IFI27L1: variants seen among roughly 807,000 people sequenced by gnomAD.
IFI27L1 encodes the protein interferon alpha inducible protein 27 like 1.
Under a neutral mutation model 9.2 loss-of-function variants are expected in IFI27L1, and 3 were observed. That is an observed-to-expected ratio of 0.32 (90% confidence interval 0.15 to 0.84). IFI27L1 has a LOEUF of 0.84. Ranked by LOEUF, IFI27L1 falls within the 40% of genes least tolerant of loss-of-function variation. IFI27L1 has a pLI of 0.56. For synonymous variants in IFI27L1, 53 were observed against 50.0 expected (o/e 1.06, Z -0.26); for missense variants, 133 against 134.2 (o/e 0.99, Z 0.05).
At chr14:94,101,699 T>G in intron 3 of IFI27L1, 115 bp from the exon 4 acceptor site, 1 of 1,057,136 alleles carries the variant, frequency 9.5e-7, no homozygotes, top group South Asian at 1.5e-5. Flanking sequence ...CCATCCCTGC[T>G]CAGTCTTTCC....
chr14:94,089,383 C>T (rs1886393038), intron 1 of IFI27L1: 1 of 152,114 alleles, frequency 6.6e-6, no homozygotes, highest in Admixed American at 6.5e-5. Context: ...CCTTTCAGAC[C>T]ATATAGGGTA....
intron 1 of IFI27L1, among the ~76,000 whole-genome samples, chr14:94,086,180 T>A (rs907358732): frequency 6.6e-6 from 1 of 152,158 alleles, no homozygotes; most frequent in Non-Finnish European, 1.5e-5. Flanking sequence ...TAAAAGTGTG[T>A]GGCGCCTCCC....
chr14:94,088,450 C>T (rs2141447674), intron 1 of IFI27L1: 1 of 663,108 alleles, frequency 1.5e-6, no homozygotes. Context: ...GGGGTTGGGG[C>T]ATTCCTGGAA....
intron 1 of IFI27L1, among the ~76,000 whole-genome samples, chr14:94,091,359 A>C: frequency 6.6e-6 from 1 of 152,260 alleles, no homozygotes; most frequent in East Asian, 1.9e-4. Context: ...TTAGTAGCAT[A>C]CACTAAGTCA....
chr14:94,083,687 G>A (rs1886185472), intron 1 of IFI27L1, among the ~76,000 whole-genome samples: 1 of 152,222 alleles, frequency 6.6e-6, no homozygotes, highest in Admixed American at 6.5e-5. Context: ...GCTAGAGTAA[G>A]GGTACGTGAG....
intron 4 of IFI27L1, 133 bp downstream of exon 4, chr14:94,102,108 C>CACCTCCAACCAGAAGAGGGGA: frequency 1.1e-6 from 1 of 942,710 alleles, no homozygotes; most frequent in Non-Finnish European, 1.6e-6. Context: ...GTCACTGTCC[C>CACCTCCAACCAGAAGAGGGGA]CTCTTCTGGT....
rs117094493 is a variant in IFI27L1, at chr14:94,101,878, C to T, written c.126C>T (p.Ala42=). ...SAMGFTSVGI[A]ASSIAAKMMS... is the part of the protein sequence containing the mutation. ...TGGGCTTCACCTCAGTAGGAATCGCCGCATCCTCCATAGCAGCCAAGATGA... is the reference window on the plus strand; with the variant it reads ...TGGGCTTCACCTCAGTAGGAATCGCTGCATCCTCCATAGCAGCCAAGATGA... The change falls in exon 4 of 5, where the codon GCC becomes GCT. Residue 42 remains alanine (A), a synonymous_variant. Transcript: ENST00000555523. 3.4e-3 allele frequency: 5,439 copies of T among 1,614,236 alleles called. 145 individuals carry two copies. In the South Asian group the frequency reaches 0.048, roughly 14 times the overall value.
chr14:94,088,033 C>T (rs1886341245), intron 1 of IFI27L1, among the ~76,000 whole-genome samples: 1 of 152,172 alleles, frequency 6.6e-6, no homozygotes, highest in Non-Finnish European at 1.5e-5. Flanking sequence ...AGGATGTAGT[C>T]ACTCAGCTCT....
chr14:94,090,683 C>G (rs897268706), intron 1 of IFI27L1, among the ~76,000 whole-genome samples: 15 of 152,120 alleles, frequency 9.9e-5, no homozygotes, highest in Admixed American at 8.5e-4. Context: ...AGGCAAGATA[C>G]GAGGCTAGTT....
At chr14:94,090,219 C>T (rs1400536881) in intron 1 of IFI27L1, among the ~76,000 whole-genome samples, 1 of 152,164 alleles carries the variant, frequency 6.6e-6, no homozygotes, top group Non-Finnish European at 1.5e-5. Context: ...TTCTGAGCTG[C>T]AGCCAGAGAT....
chr14:94,084,135 A>C (rs1371081984), intron 1 of IFI27L1, among the ~76,000 whole-genome samples: 1 of 152,204 alleles, frequency 6.6e-6, no homozygotes, highest in African/African-American at 2.4e-5. Flanking sequence ...TCAAAGATGA[A>C]AAAACAGATG....
intron 1 of IFI27L1, among the ~76,000 whole-genome samples, chr14:94,090,531 C>G (rs936929338): frequency 6.6e-6 from 1 of 152,146 alleles, no homozygotes; most frequent in African/African-American, 2.4e-5. Context: ...ATTTTTAAAG[C>G]TGAGGCCAGC....
chr14:94,088,692 G>A (rs533594087), intron 1 of IFI27L1, among the ~76,000 whole-genome samples: 1 of 152,214 alleles, frequency 6.6e-6, no homozygotes, highest in East Asian at 1.9e-4. Flanking sequence ...CTGACTAATA[G>A]ATGCATGTGA....
At chr14:94,087,673 G>T (rs955801964) in intron 1 of IFI27L1, among the ~76,000 whole-genome samples, 1 of 151,776 alleles carries the variant, frequency 6.6e-6, no homozygotes, top group Non-Finnish European at 1.5e-5. Context: ...TGATCTGCCC[G>T]CCTCGGCCTC....
intron 1 of IFI27L1, among the ~76,000 whole-genome samples, chr14:94,086,234 C>A (rs1886275548): frequency 6.6e-6 from 1 of 152,148 alleles, no homozygotes; most frequent in African/African-American, 2.4e-5. Context: ...CATGTGCCTG[C>A]CCCCCTTCCA....
At chr14:94,092,186 T>G (rs1315484854) in intron 1 of IFI27L1, among the ~76,000 whole-genome samples, 1 of 151,384 alleles carries the variant, frequency 6.6e-6, no homozygotes, top group East Asian at 1.9e-4. Context: ...TTTCACCCTT[T>G]GCGTTAGTGT....
chr14:94,098,647 G>T (rs922579691), intron 2 of IFI27L1, among the ~76,000 whole-genome samples: 1 of 152,182 alleles, frequency 6.6e-6, no homozygotes, highest in African/African-American at 2.4e-5. Context: ...GAACGTTGAG[G>T]CCCGAGAGGG....
intron 2 of IFI27L1, chr14:94,097,564 G>A (rs1330469262): frequency 3.9e-5 from 27 of 698,316 alleles, no homozygotes; most frequent in Middle Eastern, 2.8e-4. Context: ...CAGAGCAGAG[G>A]CAGAGAGACA....
chr14:94,089,275 A>C (rs940202265), intron 1 of IFI27L1: 1 of 152,242 alleles, frequency 6.6e-6, no homozygotes, highest in Non-Finnish European at 1.5e-5. Context: ...TGCTTGAATG[A>C]TAATACTTAT....
Sources: gnomAD v4.1 joint callset for allele counts (sites outside exome capture counted in the v4.1 genomes callset) on GRCh38, gnomAD v4.1.1 for gene constraint, MANE v1.5 for transcripts, NCBI Gene and HGNC (gene_info 2026-07-23, HGNC 2026-07-21) for gene names.